The following ERC2 variants were observed in gnomAD, a reference collection of about 807,000 sequenced individuals.
ERC2 encodes ERC protein 2.
Under a neutral mutation model 114.8 loss-of-function variants are expected in ERC2, and 42 were observed. The observed-to-expected ratio is 0.37, with a 90% CI of 0.29 to 0.47. The LOEUF is 0.47. Ranked by LOEUF, ERC2 falls within the 20% of genes least tolerant of loss-of-function variation. The pLI, the probability that ERC2 is intolerant of heterozygous loss-of-function variation, is 0.99. For synonymous variants in ERC2, 454 were observed against 425.5 expected, an observed-to-expected ratio of 1.07 and a Z score of -0.82; for missense variants, 939 against 1,150.7, an observed-to-expected ratio of 0.82 and a Z score of 2.66.
At chr3:56,421,977 T>TGGCAGAGGCAGAAATCAGGAA (rs2107238143) in intron 2 of ERC2, among the ~76,000 whole-genome samples, 1 of 152,318 alleles carries the variant, frequency 6.6e-6, no homozygotes, top group East Asian at 1.9e-4. Context: ...GGAAAGTTGC[T>TGGCAGAGGCAGAAATCAGGAA]GGCAGAGGCA....
At chr3:56,453,127 C>T (rs912677820) in intron 1 of ERC2, among the ~76,000 whole-genome samples, 1 of 152,210 alleles carries the variant, frequency 6.6e-6, no homozygotes, top group Non-Finnish European at 1.5e-5. Context: ...ATCCCCCTAG[C>T]CTGCCCATCC....
chr3:56,296,543 T>C (rs1314598595), intron 2 of ERC2, 108 bp from the exon 3 acceptor site: 2 of 1,241,014 alleles, frequency 1.6e-6, no homozygotes, highest in Non-Finnish European at 1.1e-6. Flanking sequence ...ATGTTAATCA[T>C]GAGGTCCGGA....
chr3:56,456,478 C>A (rs1028542133), intron 1 of ERC2, among the ~76,000 whole-genome samples: 1 of 152,102 alleles, frequency 6.6e-6, no homozygotes. Flanking sequence ...GCTCTGTTCC[C>A]CAAAACAAAT....
intron 3 of ERC2, among the ~76,000 whole-genome samples, chr3:56,290,412 A>T (rs1319479262): frequency 1.3e-5 from 2 of 152,250 alleles, no homozygotes; most frequent in Admixed American, 1.3e-4. Flanking sequence ...ATAGGGAGCA[A>T]TTGTTAAGTT....
At chr3:55,798,609 AAAAG>A (rs557541444) in intron 14 of ERC2, among the ~76,000 whole-genome samples, 18 of 152,166 alleles carry the variant, frequency 1.2e-4, no homozygotes, top group Non-Finnish European at 2.1e-4. Context: ...AAAAAAAAAA[AAAAG>A]AAAGAAAGAA....
rs869073962 is a variant in ERC2 at position 55,891,437 on chromosome 3, ATTTTTTTT to A, written c.2404-2896_2404-2889del. 7.0e-4 allele frequency among the ~76,000 whole-genome samples: 61 copies of A among 86,956 alleles called. No individual in the cohort carries two copies. In the East Asian group the frequency reaches 0.012, roughly 18 times the overall value. The allele number at this position is 86,956 out of a possible 152,430, so 57.0% of individuals were successfully genotyped here. ...CTTCACTGGTGAACTGTCTGGTTCTATTTTTTTTTTTTTTTTTTTTTTTTTTTTGAGCT... is the reference window on the plus strand; with the variant it reads ...CTTCACTGGTGAACTGTCTGGTTCTATTTTTTTTTTTTTTTTTTTTGAGCT... On this transcript the variant is annotated intron_variant, in intron 13 of 17. Coordinates refer to ENST00000288221, the MANE Select transcript of ERC2 (RefSeq NM_015576.3).
intron 12 of ERC2, among the ~76,000 whole-genome samples, chr3:55,975,732 T>C (rs931807195): frequency 2.6e-5 from 4 of 152,182 alleles, no homozygotes; most frequent in Non-Finnish European, 5.9e-5. Flanking sequence ...TACTCAAGGC[T>C]TTCCTCTGTC....
chr3:56,441,596 C>T (rs1302336561), intron 1 of ERC2, among the ~76,000 whole-genome samples: 1 of 152,122 alleles, frequency 6.6e-6, no homozygotes, highest in Non-Finnish European at 1.5e-5. Context: ...TCTTACTTCC[C>T]TAGGATAAAT....
intron 17 of ERC2, among the ~76,000 whole-genome samples, chr3:55,666,565 C>T (rs1900094): frequency 0.061 from 9,256 of 152,202 alleles, 945 homozygotes; most frequent in African/African-American, 0.21. Flanking sequence ...CCCAACCAAC[C>T]AGGAGCCATG....
At chr3:56,139,964 C>A (rs1469732109) in intron 5 of ERC2, among the ~76,000 whole-genome samples, 1 of 152,124 alleles carries the variant, frequency 6.6e-6, no homozygotes, top group Non-Finnish European at 1.5e-5. Flanking sequence ...GCCTTCCCAG[C>A]CAAACCTACT....
chr3:55,819,812 C>T (rs2060048675), intron 14 of ERC2, among the ~76,000 whole-genome samples: 1 of 152,238 alleles, frequency 6.6e-6, no homozygotes, highest in Non-Finnish European at 1.5e-5. Flanking sequence ...AAGGGTCCAA[C>T]TCAAACCTGG....
intron 7 of ERC2, among the ~76,000 whole-genome samples, chr3:56,079,705 G>A (rs2077138398): frequency 6.6e-6 from 1 of 152,128 alleles, no homozygotes; most frequent in African/African-American, 2.4e-5. Context: ...GGACAGGGGT[G>A]TCATGTTTAC....
chr3:55,819,574 A>C (rs1394340256), intron 14 of ERC2, among the ~76,000 whole-genome samples: 2 of 152,240 alleles, frequency 1.3e-5, no homozygotes, highest in Non-Finnish European at 2.9e-5. Flanking sequence ...ATTTTGGCAG[A>C]TTCCATAAAG....
At chr3:55,784,018 G>T (rs1482323955) in intron 14 of ERC2, among the ~76,000 whole-genome samples, 1 of 152,090 alleles carries the variant, frequency 6.6e-6, no homozygotes, top group African/African-American at 2.4e-5. Flanking sequence ...CTTAAACTAG[G>T]ACATTTTCAT....
intron 17 of ERC2, among the ~76,000 whole-genome samples, chr3:55,603,019 G>T (rs893245278): frequency 2.6e-4 from 40 of 152,108 alleles, no homozygotes; most frequent in African/African-American, 8.9e-4. Flanking sequence ...ACAATAAGAA[G>T]GGCTCCCTCA....
At chr3:55,900,590 T>C (rs1340639723) in intron 13 of ERC2, among the ~76,000 whole-genome samples, 1 of 152,200 alleles carries the variant, frequency 6.6e-6, no homozygotes, top group African/African-American at 2.4e-5. Flanking sequence ...CAAATTTCTA[T>C]CAGCTCAAAT....
chr3:56,447,846 G>A (rs1234660138), intron 1 of ERC2, among the ~76,000 whole-genome samples: 1 of 151,622 alleles, frequency 6.6e-6, no homozygotes, highest in Non-Finnish European at 1.5e-5. Context: ...GAGTTCAAGC[G>A]ATTCTCCTGC....
intron 14 of ERC2, among the ~76,000 whole-genome samples, chr3:55,812,504 T>C (rs546686989): frequency 9.2e-5 from 14 of 152,204 alleles, no homozygotes; most frequent in African/African-American, 2.2e-4. Context: ...AAAGATACAA[T>C]AGAGAATAAG....
At chr3:56,292,426 A>G (rs1395085994) in intron 3 of ERC2, among the ~76,000 whole-genome samples, 1 of 147,488 alleles carries the variant, frequency 6.8e-6, no homozygotes, top group Admixed American at 6.7e-5. Flanking sequence ...AAAAATACAA[A>G]AAAAAAAAAA....
Sources: allele counts gnomAD v4.1 joint callset (sites outside exome capture counted in the v4.1 genomes callset), GRCh38; gene constraint gnomAD v4.1.1; transcripts MANE v1.5; gene names NCBI Gene and HGNC (gene_info 2026-07-23, HGNC 2026-07-21).